RERE: variants seen among roughly 807,000 people sequenced by gnomAD.
The protein encoded by RERE is arginine-glutamic acid dipeptide repeats protein.
In RERE, 40 loss-of-function variants were observed where a neutral mutation model predicts 146.1. The ratio of observed to expected loss-of-function variants is 0.27; its 90% CI spans 0.21 to 0.36. The LOEUF is 0.36. Among genes scored for constraint, RERE ranks in the 10% least tolerant of loss-of-function variants. RERE has a pLI of 1.00. For synonymous variants in RERE, 1,003 were observed against 866.0 expected (o/e 1.16, Z -2.78); for missense variants, 1,933 against 2,138.7 (o/e 0.90, Z 1.90).
intron 7 of RERE, among the ~76,000 whole-genome samples, chr1:8,534,015 A>G (rs1244387335): frequency 6.6e-6 from 1 of 152,240 alleles, no homozygotes; most frequent in Non-Finnish European, 1.5e-5. Flanking sequence ...GTTTCTGAGA[A>G]TTCAAATGTG....
chr1:8,581,470 A>AT (rs1326699803), intron 4 of RERE, among the ~76,000 whole-genome samples: 1 of 152,088 alleles, frequency 6.6e-6, no homozygotes. Flanking sequence ...ATGAATTCCA[A>AT]TTTTTTTCAT....
chr1:8,702,052 T>C (rs1429803501), intron 1 of RERE, among the ~76,000 whole-genome samples: 2 of 151,398 alleles, frequency 1.3e-5, no homozygotes, highest in African/African-American at 4.9e-5. Context: ...TACTTTAAAT[T>C]TGGAGTTTCC....
rs145123940 is a variant in RERE, at chr1:8,353,898, G to A, written c.*1189C>T. ...GCCTCAATCTGTGGCAAGAAAGATG[G>A]GGCCGTCCTCACCACAAGATCCAAG... On this transcript the variant is annotated 3_prime_UTR_variant, in exon 23 of 23. Transcript: ENST00000400908. 1.4e-4 allele frequency: 21 copies of A among 152,750 alleles called. No individual in the cohort carries two copies. The highest frequency in any genetic ancestry group is 5.1e-4 in the African/African-American group (21 of 41,576). The allele number at this position is 152,750 out of a possible 1,614,324, so 9.5% of individuals were successfully genotyped here. A position where few individuals can be genotyped will look rare whatever the true frequency, so the allele number is the denominator to read the frequency against.
Position 8,360,760 on chromosome 1 carries a change from T to G in RERE, c.2747A>C (p.Gln916Pro). The change falls in exon 18 of 23, where the codon CAG (glutamine) becomes CCG (proline). Residue 916 changes from glutamine to proline, a missense_variant. Physicochemically the swap from Gln to Pro is moderately conservative, Grantham distance 76. Transcript: ENST00000400908. ...ALQSQQPPREQPLPPAPLAMP... is the reference protein window; with the variant it reads ...ALQSQQPPREPPLPPAPLAMP... ...GGCCAAGGGCGCTGGTGGCAGGGGC[T>G]GCTCCCGTGGAGGCTGTTGGGACTG... 6.3e-7 allele frequency: 1 copy of G among 1,599,920 alleles called. No individual in the cohort carries two copies. The highest frequency in any genetic ancestry group is 8.5e-7 in the Non-Finnish European group (1 of 1,176,950).
chr1:8,799,085 C>T (rs1641537293), intron 1 of RERE, among the ~76,000 whole-genome samples: 1 of 152,066 alleles, frequency 6.6e-6, no homozygotes, highest in South Asian at 2.1e-4. Context: ...CCTCTGCCTC[C>T]CGGGTTCAAG....
chr1:8,568,696 C>A (rs1328216493), intron 4 of RERE, among the ~76,000 whole-genome samples: 1 of 152,066 alleles, frequency 6.6e-6, no homozygotes, highest in African/African-American at 2.4e-5. Flanking sequence ...GCCTCCAGAA[C>A]TATAATAAAT....
chr1:8,364,268 A>C lies in RERE; in HGVS notation c.1541-13T>G, dbSNP rs1641711656. The C allele has an allele frequency of 6.2e-7, 1 of 1,613,168 alleles. No individual in the cohort carries two copies. The highest frequency in any genetic ancestry group is 2.2e-5 in the East Asian group (1 of 44,864). On this transcript the variant is annotated splice_polypyrimidine_tract_variant and intron_variant, in intron 14 of 22. Coordinates refer to ENST00000400908, the MANE Select transcript of RERE (RefSeq NM_001042681.2). This position sits in a 1 kb window ranked among gnomAD's most constrained non-coding sequence, Gnocchi z 5.1. ...CAATCTTTGGAGGCTGTGTGAGGGA[A>C]GTGGTGGGGGCCAACCTTGGAAACC...
At chr1:8,520,767 A>AAC (rs1212878654) in intron 7 of RERE, among the ~76,000 whole-genome samples, 7 of 150,548 alleles carry the variant, frequency 4.6e-5, no homozygotes, top group African/African-American at 1.7e-4. Flanking sequence ...AAAAAAAAAA[A>AAC]AAAAAAAAAC....
intron 1 of RERE, among the ~76,000 whole-genome samples, chr1:8,800,271 A>AAT (rs1641562662): frequency 1.3e-5 from 2 of 151,820 alleles, no homozygotes; most frequent in South Asian, 2.1e-4. Flanking sequence ...AAAAAAAAAA[A>AAT]ATACATAAAT....
At chr1:8,442,623 C>G (rs969807418) in intron 11 of RERE, among the ~76,000 whole-genome samples, 3 of 152,062 alleles carry the variant, frequency 2.0e-5, no homozygotes, top group Non-Finnish European at 4.4e-5. Flanking sequence ...TATAGCAATG[C>G]AAGAATGGCC....
intron 12 of RERE, among the ~76,000 whole-genome samples, chr1:8,383,609 C>T (rs1642530597): frequency 6.6e-6 from 1 of 152,026 alleles, no homozygotes; most frequent in African/African-American, 2.4e-5. Flanking sequence ...ACCTGTAATC[C>T]CAGCACTTTG....
chr1:8,387,720 A>G (rs1642730767), intron 12 of RERE, among the ~76,000 whole-genome samples: 1 of 152,264 alleles, frequency 6.6e-6, no homozygotes, highest in African/African-American at 2.4e-5. Flanking sequence ...CCAGGGAAAT[A>G]CAAATTAAAA....
chr1:8,567,182 T>C (rs1646163407), intron 4 of RERE, among the ~76,000 whole-genome samples: 1 of 152,176 alleles, frequency 6.6e-6, no homozygotes, highest in African/African-American at 2.4e-5. Context: ...GCTTACTGCT[T>C]GTAGGCACTA....
intron 2 of RERE, among the ~76,000 whole-genome samples, chr1:8,634,177 A>G (rs1446563248): frequency 1.3e-5 from 2 of 152,126 alleles, no homozygotes; most frequent in African/African-American, 4.8e-5. Flanking sequence ...TGCTGCTACT[A>G]CAACCGCTCT....
In RERE at chr1:8,359,826, T is replaced by C; in HGVS notation, c.3556A>G (p.Lys1186Glu). ...QKAREERERE[K>E]EKEKERERER... The stretch of plus-strand genomic sequence containing the variant: ...CGCTCCCGCTCCTTCTCCTTCTCCT[T>C]CTCCCGCTCTCGCTCCTCTCGGGCT... The change falls in exon 19 of 23, where the codon AAG becomes GAG. Residue 1186 changes from lysine to glutamate, a missense_variant. This residue lies in a region of RERE where 1,255 missense variants were observed against 1,153.8 expected (regional missense o/e 1.09). Transcript: ENST00000400908. 1 of 1,607,898 alleles carries C rather than the reference T, an allele frequency of 6.2e-7. No homozygotes were observed. Among genetic ancestry groups the C allele is most frequent in the Non-Finnish European group, 8.5e-7 (1 of 1,179,656 alleles).
intron 1 of RERE, among the ~76,000 whole-genome samples, chr1:8,770,277 C>A (rs1328237364): frequency 2.6e-5 from 4 of 152,022 alleles, no homozygotes; most frequent in African/African-American, 9.7e-5. Context: ...TCATGAGGTA[C>A]AGTACCTGAC....
intron 1 of RERE, among the ~76,000 whole-genome samples, chr1:8,729,470 G>A (rs1250800958): frequency 1.3e-5 from 2 of 151,772 alleles, no homozygotes; most frequent in African/African-American, 2.4e-5. Context: ...TGATCCACCC[G>A]CCTCGGCCTC....
intron 11 of RERE, among the ~76,000 whole-genome samples, chr1:8,431,979 C>A (rs1644101446): frequency 1.3e-5 from 2 of 152,168 alleles, no homozygotes; most frequent in Admixed American, 6.5e-5. Context: ...GTTCGGCATG[C>A]TCCTCGGTTT....
intron 4 of RERE, among the ~76,000 whole-genome samples, chr1:8,612,058 G>A (rs577084685): frequency 2.0e-5 from 3 of 152,296 alleles, no homozygotes; most frequent in South Asian, 4.1e-4. Context: ...AATTAAATCT[G>A]ATGTTTATTC....
Sources: allele counts gnomAD v4.1 joint callset (sites outside exome capture counted in the v4.1 genomes callset), GRCh38; gene constraint gnomAD v4.1.1; regional missense constraint gnomAD v4.1.1; non-coding constraint Gnocchi (gnomAD v3.1); transcripts MANE v1.5; gene names NCBI Gene and HGNC (gene_info 2026-07-23, HGNC 2026-07-21).